Variants in PCSK2 observed in about 807,000 individuals in gnomAD.
The protein encoded by PCSK2 is proprotein convertase subtilisin/kexin type 2, also known as neuroendocrine convertase 2.
PCSK2 carries 14 observed loss-of-function variants against 69.7 expected under a neutral mutation model. The observed-to-expected ratio is 0.20, with a 90% CI of 0.13 to 0.31. The LOEUF is 0.31. Among genes scored for constraint, PCSK2 ranks in the 10% least tolerant of loss-of-function variants. The probability of loss-of-function intolerance (pLI) is 1.00; values close to 1 mark genes in which losing one functional copy is unlikely to be tolerated. For missense variants in PCSK2, 544 were observed against 842.5 expected (o/e 0.65, Z 4.39); for synonymous variants, 307 against 320.7 (o/e 0.96, Z 0.46).
intron 2 of PCSK2, among the ~76,000 whole-genome samples, chr20:17,349,131 T>A (rs1225854877): frequency 6.6e-6 from 1 of 152,182 alleles, no homozygotes; most frequent in Non-Finnish European, 1.5e-5. Context: ...TTTATCCTTA[T>A]TTTACAGGTG....
chr20:17,434,748 G>A (rs1182757684), intron 7 of PCSK2, among the ~76,000 whole-genome samples: 1 of 152,162 alleles, frequency 6.6e-6, no homozygotes, highest in African/African-American at 2.4e-5. Flanking sequence ...TTCCAGTTGA[G>A]TGGGCCATTC....
intron 11 of PCSK2, among the ~76,000 whole-genome samples, chr20:17,475,742 T>A (rs1269656004): frequency 6.6e-6 from 1 of 152,210 alleles, no homozygotes; most frequent in Non-Finnish European, 1.5e-5. Context: ...AGAATTCAGC[T>A]GGTGTTCTGA....
intron 7 of PCSK2, among the ~76,000 whole-genome samples, chr20:17,432,903 A>T (rs2032397957): frequency 6.6e-6 from 1 of 152,186 alleles, no homozygotes; most frequent in South Asian, 2.1e-4. Context: ...AGAAAAAGAC[A>T]GGGAGCAAAT....
Position 17,227,120 on chromosome 20 carries a change from C to T in PCSK2, c.-186C>T, listed in dbSNP as rs1001661961. 10 of 574,208 alleles carry T rather than the reference C, an allele frequency of 1.7e-5. No individual in the cohort carries two copies. In the Admixed American group the frequency reaches 2.2e-4, roughly 12 times the overall value. The allele number at this position is 574,208 out of a possible 1,614,324, so 35.6% of individuals were successfully genotyped here. On this transcript the variant is annotated 5_prime_UTR_variant, in exon 1 of 12. Transcript: ENST00000262545. ...GGGCCGCCTGACTGCACGGCTTCCC[C>T]TCCAGCCAGATGCTGGAGAACACAC...
chr20:17,272,783 G>A (rs1187826745), intron 2 of PCSK2, among the ~76,000 whole-genome samples: 1 of 152,102 alleles, frequency 6.6e-6, no homozygotes, highest in East Asian at 1.9e-4. Context: ...CAAGTTAAAT[G>A]AAAAAACAGT....
chr20:17,424,402 C>A (rs6075207), intron 6 of PCSK2, among the ~76,000 whole-genome samples: 60,176 of 152,010 alleles, frequency 0.4, 13,820 homozygotes, highest in South Asian at 0.62. Flanking sequence ...ACACTTGTTA[C>A]CTCTGAGGAA....
chr20:17,466,947 T>C (rs921930284), intron 11 of PCSK2, among the ~76,000 whole-genome samples: 5 of 152,228 alleles, frequency 3.3e-5, no homozygotes, highest in African/African-American at 9.6e-5. Context: ...CAGGTCACCA[T>C]GTGTAGTCGT....
At chr20:17,464,073 A>G (rs1045551902) in intron 10 of PCSK2, 4 of 152,204 alleles carry the variant, frequency 2.6e-5, no homozygotes, top group African/African-American at 7.2e-5. Context: ...TTTTAAAATA[A>G]TAACACCAAC....
intron 11 of PCSK2, among the ~76,000 whole-genome samples, chr20:17,465,857 C>A (rs1354769034): frequency 6.6e-6 from 1 of 151,966 alleles, no homozygotes; most frequent in African/African-American, 2.4e-5. Context: ...TTTGTAGAGA[C>A]AAAGCCTCAC....
chr20:17,458,248 G>T (rs2032956749), intron 10 of PCSK2, among the ~76,000 whole-genome samples: 1 of 152,110 alleles, frequency 6.6e-6, no homozygotes, highest in Non-Finnish European at 1.5e-5. Flanking sequence ...TGGTGCAAGT[G>T]ATTTATTAAG....
intron 5 of PCSK2, among the ~76,000 whole-genome samples, chr20:17,377,329 T>C (rs2030956409): frequency 6.6e-6 from 1 of 152,222 alleles, no homozygotes; most frequent in Non-Finnish European, 1.5e-5. Flanking sequence ...CACTTTTCCA[T>C]TCTTTAGATG....
intron 2 of PCSK2, among the ~76,000 whole-genome samples, chr20:17,350,071 C>G (rs546920313): frequency 6.6e-6 from 1 of 151,158 alleles, no homozygotes; most frequent in African/African-American, 2.4e-5. Flanking sequence ...ACATGGCATT[C>G]TCCTTGTTTC....
At chr20:17,406,462 C>T (rs2031752471) in intron 5 of PCSK2, among the ~76,000 whole-genome samples, 1 of 131,556 alleles carries the variant, frequency 7.6e-6, no homozygotes, top group Non-Finnish European at 1.8e-5. Context: ...CCTGAGTTAT[C>T]ATCCATTTCA....
chr20:17,339,179 G>A (rs1026136628), intron 2 of PCSK2, among the ~76,000 whole-genome samples: 1 of 152,162 alleles, frequency 6.6e-6, no homozygotes, highest in African/African-American at 2.4e-5. Flanking sequence ...GAGACACGAT[G>A]CAGCTTTTTA....
Position 17,409,254 on chromosome 20 carries a change from G to C in PCSK2, c.544-9G>C. 2 of 1,612,750 alleles carry C rather than the reference G, an allele frequency of 1.2e-6. No homozygotes were observed. Among genetic ancestry groups the C allele is most frequent in the Non-Finnish European group, 1.7e-6 (2 of 1,178,774 alleles). On this transcript the variant is annotated splice_polypyrimidine_tract_variant and intron_variant, in intron 5 of 11. Coordinates refer to ENST00000262545, the MANE Select transcript of PCSK2 (RefSeq NM_002594.5). ...GTACGGACCTAATGAGATGCCTTGT[G>C]TTTTTCAGAATGCCGAAGCAAGTTA...
Position 17,402,660 on chromosome 20 carries a change from C to CAAA in PCSK2, c.544-6588_544-6586dup, listed in dbSNP as rs35767841. On this transcript the variant is annotated intron_variant, in intron 5 of 11. Transcript: ENST00000262545. ...TGGGCAACAGAGCAAGACTCTGTCT[C>CAAA]AAAAAAAAAAAAAAAAAGGCATGGT... Among the ~76,000 whole-genome samples the CAAA allele has an allele frequency of 1.1e-3, 128 of 113,022 alleles. 2 individuals are homozygous for CAAA. The highest frequency in any genetic ancestry group is 1.8e-3 in the African/African-American group (52 of 28,324). The allele number at this position is 113,022 out of a possible 152,430, so 74.1% of individuals were successfully genotyped here.
chr20:17,434,146 G>T (rs2032435172), intron 7 of PCSK2, among the ~76,000 whole-genome samples: 1 of 129,918 alleles, frequency 7.7e-6, no homozygotes, highest in African/African-American at 3.0e-5. Context: ...TTCTCCCTCT[G>T]CCTCTCTCTA....
chr20:17,449,079 T>C lies in PCSK2; in HGVS notation c.886-4663T>C, dbSNP rs1441101415. Reference sequence around the variant, plus strand: ...GGGGGTGAGTGGGCCTCTCGCTACTTTGCCCAGGCTGGTCTCAAACTCTTG... The same window carrying C: ...GGGGGTGAGTGGGCCTCTCGCTACTCTGCCCAGGCTGGTCTCAAACTCTTG... On this transcript the variant is annotated intron_variant, in intron 8 of 11. Coordinates refer to ENST00000262545, the MANE Select transcript of PCSK2 (RefSeq NM_002594.5). Among the ~76,000 whole-genome samples the C allele has an allele frequency of 1.3e-5, 2 of 152,144 alleles. 1 individual carries two copies. Among genetic ancestry groups the C allele is most frequent in the East Asian group, 3.9e-4 (2 of 5,190 alleles).
At chr20:17,391,387 AT>A (rs542061908) in intron 5 of PCSK2, among the ~76,000 whole-genome samples, 104 of 152,304 alleles carry the variant, frequency 6.8e-4, no homozygotes, top group African/African-American at 2.5e-3. Flanking sequence ...AAAACACATG[AT>A]TTAAAAAAAA....
Sources: allele counts gnomAD v4.1 joint callset (sites outside exome capture counted in the v4.1 genomes callset), GRCh38; gene constraint gnomAD v4.1.1; transcripts MANE v1.5; gene names NCBI Gene and HGNC (gene_info 2026-07-23, HGNC 2026-07-21).